Variants in SNAP29 observed in about 807,000 individuals in gnomAD.
SNAP29 encodes the protein synaptosomal-associated protein 29.
SNAP29 carries 13 observed loss-of-function variants against 27.9 expected under a neutral mutation model. That is an observed-to-expected ratio of 0.47 (90% CI 0.30 to 0.74). The LOEUF (loss-of-function observed/expected upper bound fraction) is 0.74, where lower values mean the gene tolerates loss of function less well. SNAP29 is among the 30% of genes least tolerant of loss of function. The pLI is 0.06. For missense variants in SNAP29, 368 were observed against 336.5 expected, an observed-to-expected ratio of 1.09 and a Z score of -0.73; for synonymous variants, 119 against 127.1, an observed-to-expected ratio of 0.94 and a Z score of 0.43.
At chr22:20,867,387 G>T (rs1009591742) in intron 1 of SNAP29, among the ~76,000 whole-genome samples, 1 of 152,088 alleles carries the variant, frequency 6.6e-6, no homozygotes, top group South Asian at 2.1e-4. Context: ...CTGTCTTGGT[G>T]GTGGCTGGGG....
chr22:20,885,667 T>G (rs1398599035), intron 4 of SNAP29, among the ~76,000 whole-genome samples: 2 of 152,142 alleles, frequency 1.3e-5, no homozygotes, highest in Non-Finnish European at 2.9e-5. Context: ...TGCCCGCCAC[T>G]AGGAGGTGCT....
At chr22:20,865,819 T>C (rs1005005849) in intron 1 of SNAP29, among the ~76,000 whole-genome samples, 5 of 152,206 alleles carry the variant, frequency 3.3e-5, no homozygotes, top group Non-Finnish European at 7.3e-5. Flanking sequence ...TGGACAACAC[T>C]TCTCCAAGCA....
At chr22:20,884,184 T>G (rs1928958146) in intron 4 of SNAP29, among the ~76,000 whole-genome samples, 1 of 151,824 alleles carries the variant, frequency 6.6e-6, no homozygotes, top group Non-Finnish European at 1.5e-5. Context: ...AATACAAAAA[T>G]TAGCCGGGCG....
At chr22:20,878,367 C>T (rs1294242966) in intron 2 of SNAP29, among the ~76,000 whole-genome samples, 1 of 152,068 alleles carries the variant, frequency 6.6e-6, no homozygotes, top group Non-Finnish European at 1.5e-5. Context: ...CAGTGAAACC[C>T]TGTCTCTAAA....
chr22:20,877,520 T>C lies in SNAP29; in HGVS notation c.435-3529T>C, dbSNP rs550220081. 1.6e-4 allele frequency among the ~76,000 whole-genome samples: 24 copies of C among 151,874 alleles called. No individual in the cohort carries two copies. The South Asian group carries it at 5.0e-3, about 32-fold the overall frequency. ...GCAGTAAGCCAAGATCGCACCATTG[T>C]ACCCCAGCCTGGGCAACAAGAGCAG... is the stretch of plus-strand genomic sequence containing the variant. On this transcript the variant is annotated intron_variant, in intron 2 of 4. Transcript: ENST00000215730.
At chr22:20,886,086 T>C (rs1929008152) in intron 4 of SNAP29, among the ~76,000 whole-genome samples, 1 of 151,008 alleles carries the variant, frequency 6.6e-6, no homozygotes, top group Non-Finnish European at 1.5e-5. Flanking sequence ...TTAGTAAGCT[T>C]AAGAAGCAAA....
chr22:20,871,849 T>C (rs1928599772), intron 2 of SNAP29, among the ~76,000 whole-genome samples: 1 of 151,882 alleles, frequency 6.6e-6, no homozygotes, highest in African/African-American at 2.4e-5. Context: ...GCCACTGCAC[T>C]GCAGCCTGGG....
chr22:20,872,804 G>A (rs868648177), intron 2 of SNAP29, among the ~76,000 whole-genome samples: 6 of 128,484 alleles, frequency 4.7e-5, no homozygotes, highest in African/African-American at 1.8e-4. Flanking sequence ...CTAGAGTGCC[G>A]AGCCACCACG....
chr22:20,885,977 G>A (rs1929004790), intron 4 of SNAP29, among the ~76,000 whole-genome samples: 1 of 152,132 alleles, frequency 6.6e-6, no homozygotes, highest in African/African-American at 2.4e-5. Context: ...CAGCCTCTCT[G>A]TTTGCTTATC....
intron 2 of SNAP29, among the ~76,000 whole-genome samples, chr22:20,875,959 A>C (rs1272374046): frequency 6.6e-6 from 1 of 152,006 alleles, no homozygotes; most frequent in Admixed American, 6.6e-5. Context: ...CAGGAGATCG[A>C]GACCATCCTA....
intron 2 of SNAP29, among the ~76,000 whole-genome samples, chr22:20,876,817 G>C (rs954313400): frequency 1.3e-5 from 2 of 151,990 alleles, no homozygotes. Flanking sequence ...TGATCTGCCC[G>C]CCTCGGCCTC....
intron 1 of SNAP29, among the ~76,000 whole-genome samples, chr22:20,864,001 C>T (rs1016613294): frequency 1.3e-5 from 2 of 152,180 alleles, no homozygotes; most frequent in Non-Finnish European, 2.9e-5. Flanking sequence ...TTTATGCAGC[C>T]TGTCCCCTAA....
intron 3 of SNAP29, 45 bp downstream of exon 3, chr22:20,881,179 G>T: frequency 7.3e-7 from 1 of 1,363,324 alleles, no homozygotes; most frequent in Non-Finnish European, 1.0e-6. Context: ...ATTCTGGGGG[G>T]AGACCTCTAG....
chr22:20,880,303 G>C (rs1179279573), intron 2 of SNAP29, among the ~76,000 whole-genome samples: 1 of 152,096 alleles, frequency 6.6e-6, no homozygotes, highest in Non-Finnish European at 1.5e-5. Context: ...TTAGAGACCA[G>C]CCTGGCCAAC....
In SNAP29 at chr22:20,870,187, G is replaced by A. The variant is rs149118626; in HGVS notation, c.238-150G>A. On this transcript the variant is annotated intron_variant, in intron 1 of 4. Transcript: ENST00000215730. The stretch of plus-strand genomic sequence containing the variant: ...GGGAGAGGCAAAGGAATGTGTTGTT[G>A]GAAAGGGTAGTGTGCCCCTCACAGA... 8.9e-5 allele frequency: 63 copies of A among 706,926 alleles called. No homozygotes were observed. The Admixed American group carries it at 1.3e-3, about 14-fold the overall frequency. The allele number at this position is 706,926 out of a possible 1,614,324, so 43.8% of individuals were successfully genotyped here.
At chr22:20,860,765 A>G (rs1225266341) in intron 1 of SNAP29, among the ~76,000 whole-genome samples, 1 of 152,338 alleles carries the variant, frequency 6.6e-6, no homozygotes, top group East Asian at 1.9e-4. Flanking sequence ...AAAAAAATGT[A>G]TAAGCCAGGC....
chr22:20,874,107 C>T (rs1449363334), intron 2 of SNAP29, among the ~76,000 whole-genome samples: 1 of 150,882 alleles, frequency 6.6e-6, no homozygotes, highest in Non-Finnish European at 1.5e-5. Context: ...AACCCCGTCT[C>T]TACTAAAAAT....
At chr22:20,873,705 G>A (rs1178566987) in intron 2 of SNAP29, among the ~76,000 whole-genome samples, 1 of 151,546 alleles carries the variant, frequency 6.6e-6, no homozygotes, top group African/African-American at 2.4e-5. Flanking sequence ...TGGTGGTTCA[G>A]GCCTGTAATC....
intron 2 of SNAP29, among the ~76,000 whole-genome samples, chr22:20,878,292 A>C (rs377245981): frequency 6.6e-6 from 1 of 152,210 alleles, no homozygotes; most frequent in Non-Finnish European, 1.5e-5. Context: ...CTGTAATCCC[A>C]GCACTTTGGG....
Sources: gnomAD v4.1 joint callset for allele counts (sites outside exome capture counted in the v4.1 genomes callset) on GRCh38, gnomAD v4.1.1 for gene constraint, MANE v1.5 for transcripts, NCBI Gene and HGNC (gene_info 2026-07-23, HGNC 2026-07-21) for gene names.